UPP2: variants seen among roughly 807,000 people sequenced by gnomAD.
UPP2 encodes UPase 2.
UPP2 carries 23 observed loss-of-function variants against 26.7 expected under a neutral mutation model. That is an observed-to-expected ratio of 0.86 (90% CI 0.62 to 1.22). The LOEUF (loss-of-function observed/expected upper bound fraction) is 1.22. Ranked by LOEUF, UPP2 falls within the 50% of genes most tolerant of loss-of-function variation. The pLI, the probability that UPP2 is intolerant of heterozygous loss-of-function variation, is 0.00. For missense variants in UPP2, 387 were observed against 396.7 expected (o/e 0.98, Z 0.21); for synonymous variants, 127 against 141.3 (o/e 0.90, Z 0.72).
At chr2:158,027,696 T>C (rs1000627233) in intron 3 of UPP2, among the ~76,000 whole-genome samples, 1 of 152,206 alleles carries the variant, frequency 6.6e-6, no homozygotes, top group Non-Finnish European at 1.5e-5. Flanking sequence ...CACATTTCCC[T>C]TCTGCACTGA....
intron 3 of UPP2, among the ~76,000 whole-genome samples, chr2:158,115,682 A>T (rs141432034): frequency 1.3e-5 from 2 of 152,304 alleles, no homozygotes; most frequent in African/African-American, 2.4e-5. Flanking sequence ...CTGCTAATGC[A>T]TTTCTACTGA....
chr2:158,109,956 A>G (rs1253204689), intron 2 of UPP2, among the ~76,000 whole-genome samples: 1 of 152,200 alleles, frequency 6.6e-6, no homozygotes, highest in African/African-American at 2.4e-5. Context: ...GAATGTGGGT[A>G]GAGTGCTGAG....
intron 3 of UPP2, among the ~76,000 whole-genome samples, chr2:158,069,396 C>T (rs1300399516): frequency 6.6e-6 from 1 of 152,212 alleles, no homozygotes; most frequent in Non-Finnish European, 1.5e-5. Flanking sequence ...TCTCTGATTC[C>T]AGTGAGCCCT....
intron 3 of UPP2, among the ~76,000 whole-genome samples, chr2:158,026,457 G>T (rs1683834087): frequency 6.6e-6 from 1 of 152,144 alleles, no homozygotes; most frequent in African/African-American, 2.4e-5. Context: ...CAGAGAGCAG[G>T]ACTCATGTTC....
upstream of UPP2, among the ~76,000 whole-genome samples, chr2:158,099,469 C>T (rs994987930): frequency 6.6e-6 from 1 of 152,090 alleles, no homozygotes; most frequent in African/African-American, 2.4e-5. Context: ...TGCGTTGACA[C>T]CCCTACTCCC....
At chr2:158,100,665 C>T (rs1683060768), upstream of UPP2, among the ~76,000 whole-genome samples, 1 of 152,152 alleles carries the variant, frequency 6.6e-6, no homozygotes, top group Non-Finnish European at 1.5e-5. Context: ...AACTACTGTT[C>T]TAAGTTACAA....
chr2:158,129,870 A>C (rs1225271706), intron 6 of UPP2, among the ~76,000 whole-genome samples: 1 of 152,042 alleles, frequency 6.6e-6, no homozygotes, highest in Non-Finnish European at 1.5e-5. Context: ...GGCTAAAGCC[A>C]TCTTCCCACC....
upstream of UPP2, among the ~76,000 whole-genome samples, chr2:158,099,555 C>A (rs540061628): frequency 3.2e-4 from 48 of 152,226 alleles, no homozygotes; most frequent in African/African-American, 1.1e-3. Context: ...GCTGCAGCCT[C>A]AGGTGAACCA....
At chr2:158,066,114 AG>A (rs1682430293) in intron 3 of UPP2, 1 of 242,600 alleles carries the variant, frequency 4.1e-6, no homozygotes, top group Non-Finnish European at 8.2e-6. Context: ...AACTTGAGAT[AG>A]GACCTGATTT....
chr2:158,013,725 G>T (rs1296876370), intron 2 of UPP2, among the ~76,000 whole-genome samples: 3 of 152,170 alleles, frequency 2.0e-5, no homozygotes, highest in Non-Finnish European at 2.9e-5. Flanking sequence ...GAAGGGCGAG[G>T]CACCTTTACA....
intron 2 of UPP2, among the ~76,000 whole-genome samples, chr2:157,996,995 C>A (rs1276445552): frequency 1.3e-5 from 2 of 152,202 alleles, no homozygotes; most frequent in East Asian, 1.9e-4. Flanking sequence ...GAGAATAACA[C>A]CAACTTGACC....
chr2:158,125,758 C>T (rs774020154), intron 6 of UPP2, among the ~76,000 whole-genome samples: 2 of 152,122 alleles, frequency 1.3e-5, no homozygotes, highest in South Asian at 4.1e-4. Flanking sequence ...CTAGTATCCT[C>T]TTTTAGAGAA....
At chr2:158,014,431 T>C (rs1007011295) in intron 2 of UPP2, among the ~76,000 whole-genome samples, 1 of 152,204 alleles carries the variant, frequency 6.6e-6, no homozygotes, top group Admixed American at 6.5e-5. Flanking sequence ...ATTCTTCTTA[T>C]GGGCTTCCTT....
chr2:158,029,437 T>G (rs1456856602), intron 3 of UPP2, among the ~76,000 whole-genome samples: 1 of 152,246 alleles, frequency 6.6e-6, no homozygotes, highest in African/African-American at 2.4e-5. Flanking sequence ...TGCCTTCAAG[T>G]TCCATCTGGC....
chr2:158,064,064 A>C (rs1453839366), intron 3 of UPP2, among the ~76,000 whole-genome samples: 1 of 152,212 alleles, frequency 6.6e-6, no homozygotes, highest in Non-Finnish European at 1.5e-5. Flanking sequence ...ATACGTGTGC[A>C]TGTGTCTTTA....
intron 4 of UPP2, 76 bp from the exon 5 acceptor site, chr2:158,121,333 G>A (rs1030267992): frequency 1.5e-6 from 2 of 1,324,336 alleles, no homozygotes; most frequent in African/African-American, 2.9e-5. Context: ...ATTAATACTA[G>A]AATAAGTTAC....
intron 6 of UPP2, among the ~76,000 whole-genome samples, chr2:158,124,825 G>A (rs1683657647): frequency 6.6e-6 from 1 of 152,146 alleles, no homozygotes; most frequent in Non-Finnish European, 1.5e-5. Flanking sequence ...GCCATAACTG[G>A]GACAGAGGAA....
At chr2:158,002,902 ATT>A (rs920494138) in intron 2 of UPP2, among the ~76,000 whole-genome samples, 2 of 148,350 alleles carry the variant, frequency 1.3e-5, no homozygotes, top group South Asian at 4.3e-4. Flanking sequence ...TCCTGGTACA[ATT>A]TTTTTTTTTC....
chr2:158,026,472 T>C (rs1227574091), intron 3 of UPP2, among the ~76,000 whole-genome samples: 1 of 152,160 alleles, frequency 6.6e-6, no homozygotes, highest in African/African-American at 2.4e-5. Context: ...ATGTTCCCAA[T>C]GTAAGAACGA....
Sources: allele counts gnomAD v4.1 joint callset (sites outside exome capture counted in the v4.1 genomes callset), GRCh38; gene constraint gnomAD v4.1.1; transcripts MANE v1.5; gene names NCBI Gene and HGNC (gene_info 2026-07-23, HGNC 2026-07-21).